Variants in TRPM1 observed in about 807,000 individuals in gnomAD.
The protein encoded by TRPM1 is TRPM1-203 APA Isoform, Intron 10.
A neutral mutation model predicts 149.4 loss-of-function variants in TRPM1; 113 were observed. The ratio of observed to expected loss-of-function variants is 0.76; its 90% CI spans 0.65 to 0.88. The LOEUF is 0.88. Among genes scored for constraint, TRPM1 ranks in the 40% least tolerant of loss-of-function variants. The pLI is 0.00. For synonymous variants in TRPM1, 741 were observed against 759.5 expected (o/e 0.98, Z 0.40); for missense variants, 1,976 against 2,038.7 (o/e 0.97, Z 0.59).
At chr15:31,035,006 T>C (rs1279172764) in intron 21 of TRPM1, among the ~76,000 whole-genome samples, 2 of 152,220 alleles carry the variant, frequency 1.3e-5, no homozygotes, top group East Asian at 3.8e-4. Flanking sequence ...GTAATTTGTT[T>C]TTTTGTTTTT....
chr15:31,130,322 C>A (rs1452029216), intron 1 of TRPM1, among the ~76,000 whole-genome samples: 1 of 152,214 alleles, frequency 6.6e-6, no homozygotes, highest in Non-Finnish European at 1.5e-5. Flanking sequence ...AGAGACCTGA[C>A]CTAACCGACT....
At chr15:31,155,356 G>C (rs2036354973) in intron 1 of TRPM1, among the ~76,000 whole-genome samples, 1 of 152,172 alleles carries the variant, frequency 6.6e-6, no homozygotes, top group Non-Finnish European at 1.5e-5. Flanking sequence ...CCTGCCTGCA[G>C]CTCCAACCAC....
chr15:31,137,522 T>C (rs564359499), intron 1 of TRPM1, among the ~76,000 whole-genome samples: 30 of 152,288 alleles, frequency 2.0e-4, no homozygotes, highest in South Asian at 4.1e-4. Flanking sequence ...CTCAAGCCCC[T>C]TGAATTAGGC....
At chr15:31,046,395 T>C (rs1361879705) in intron 15 of TRPM1, among the ~76,000 whole-genome samples, 162 bp from the exon 16 acceptor site, 2 of 152,234 alleles carry the variant, frequency 1.3e-5, no homozygotes, top group African/African-American at 2.4e-5. Context: ...TGCTTTAATA[T>C]AGAAACTCTT....
intron 1 of TRPM1, among the ~76,000 whole-genome samples, chr15:31,114,026 C>T (rs2035761748): frequency 6.6e-6 from 1 of 151,828 alleles, no homozygotes; most frequent in African/African-American, 2.4e-5. Context: ...GCTGATTGGT[C>T]CATTTTTACA....
intron 22 of TRPM1, among the ~76,000 whole-genome samples, chr15:31,032,418 CATAT>C (rs1306591892): frequency 5.3e-5 from 8 of 151,810 alleles, no homozygotes. Flanking sequence ...TGTATACACA[CATAT>C]ATACAGTGAA....
At position 31,035,923 on chromosome 15, in the gene TRPM1, G is replaced by A. The variant is rs149868340; in HGVS notation, c.2572-249C>T. The A allele has an allele frequency of 2.5e-3, 1,403 of 561,692 alleles. 2 individuals are homozygous for A. The highest frequency in any genetic ancestry group is 3.8e-3 in the Non-Finnish European group (1,182 of 313,298). 34.8% of individuals were successfully genotyped at this position (561,692 alleles called of 1,614,324 possible). ...TCATTTTCTACATGGAGACATATTG[G>A]TTGGTGCTGTCATCCTCATGGGGAA... On this transcript the variant is annotated intron_variant, in intron 20 of 27. Coordinates refer to ENST00000256552, the MANE Select transcript of TRPM1 (RefSeq NM_001252024.2).
At chr15:31,137,426 C>A (rs1159449023) in intron 1 of TRPM1, among the ~76,000 whole-genome samples, 1 of 152,136 alleles carries the variant, frequency 6.6e-6, no homozygotes, top group African/African-American at 2.4e-5. Flanking sequence ...CAAAGTCTTA[C>A]TAAAGATAAT....
At chr15:31,028,554 A>AT in intron 24 of TRPM1, 78 bp from the exon 25 acceptor site, 1 of 1,485,006 alleles carries the variant, frequency 6.7e-7, no homozygotes. Context: ...ATGTTTTTCA[A>AT]TACCTATTTC....
intron 1 of TRPM1, among the ~76,000 whole-genome samples, chr15:31,100,622 C>T (rs1437513806): frequency 1.3e-5 from 2 of 152,090 alleles, no homozygotes; most frequent in African/African-American, 4.8e-5. Context: ...AATAAATAAA[C>T]ACCACCCATA....
intron 1 of TRPM1, among the ~76,000 whole-genome samples, chr15:31,113,592 T>C (rs987762539): frequency 2.6e-5 from 4 of 152,094 alleles, no homozygotes; most frequent in South Asian, 2.1e-4. Context: ...CAACTGCAGG[T>C]TTGTTACACA....
At chr15:31,086,190 G>A (rs1191079766) in intron 1 of TRPM1, among the ~76,000 whole-genome samples, 1 of 152,210 alleles carries the variant, frequency 6.6e-6, no homozygotes, top group Non-Finnish European at 1.5e-5. Flanking sequence ...AACACCTGGG[G>A]GCTGTGGGGA....
chr15:31,068,256 A>G (rs922255443), intron 4 of TRPM1, among the ~76,000 whole-genome samples, 164 bp from the exon 5 acceptor site: 5 of 152,258 alleles, frequency 3.3e-5, no homozygotes, highest in Middle Eastern at 3.4e-3. Context: ...ACTGAAGGGA[A>G]CTTTGGAGAG....
In TRPM1 at chr15:31,070,415, T is replaced by C. The variant is rs1049258744; in HGVS notation, c.84-189A>G. The C allele has an allele frequency of 9.8e-6, 7 of 712,434 alleles. No individual in the cohort carries two copies. The African/African-American group carries it at 1.0e-4, about 11-fold the overall frequency. The allele number at this position is 712,434 out of a possible 1,614,324, so 44.1% of individuals were successfully genotyped here. A position where few individuals can be genotyped will look rare whatever the true frequency, so the allele number is the denominator to read the frequency against. ...CTTTTCCAGATAATCAGTGCACATC[T>C]CTTTATATGCCAGTCGATTTTAGAC... On this transcript the variant is annotated intron_variant, in intron 3 of 27. Coordinates refer to ENST00000256552, the MANE Select transcript of TRPM1 (RefSeq NM_001252024.2).
chr15:31,013,173 C>G (rs1181344761), intron 27 of TRPM1, among the ~76,000 whole-genome samples: 2 of 151,562 alleles, frequency 1.3e-5, no homozygotes, highest in Non-Finnish European at 2.9e-5. Context: ...CATGCCTGTC[C>G]AGTTTTAAAA....
chr15:31,123,012 A>G (rs1386156344), intron 1 of TRPM1, among the ~76,000 whole-genome samples: 2 of 152,252 alleles, frequency 1.3e-5, no homozygotes, highest in Non-Finnish European at 2.9e-5. Context: ...AATGCAACAG[A>G]GCAGACAGCC....
chr15:31,063,886 A>T (rs1391328941), intron 7 of TRPM1, among the ~76,000 whole-genome samples: 1 of 152,214 alleles, frequency 6.6e-6, no homozygotes, highest in Non-Finnish European at 1.5e-5. Context: ...GGGCTACTTC[A>T]AGGTGACCAC....
intron 1 of TRPM1, among the ~76,000 whole-genome samples, chr15:31,111,706 C>T (rs1278366292): frequency 6.6e-6 from 1 of 152,224 alleles, no homozygotes; most frequent in Non-Finnish European, 1.5e-5. Flanking sequence ...CACCCCTCTT[C>T]AACACCTGGC....
intron 6 of TRPM1, among the ~76,000 whole-genome samples, chr15:31,066,854 T>A (rs751751018): frequency 6.6e-6 from 1 of 152,146 alleles, no homozygotes; most frequent in Non-Finnish European, 1.5e-5. Flanking sequence ...CTCGTGTTGA[T>A]GGAAACATTC....
Sources: gnomAD v4.1 joint callset for allele counts (sites outside exome capture counted in the v4.1 genomes callset) on GRCh38, gnomAD v4.1.1 for gene constraint, MANE v1.5 for transcripts, NCBI Gene and HGNC (gene_info 2026-07-23, HGNC 2026-07-21) for gene names.